TBC1D5: variants seen among roughly 807,000 people sequenced by gnomAD.
TBC1D5 encodes the protein TBC1 domain family, member 5.
In TBC1D5, 75 loss-of-function variants were observed where a neutral mutation model predicts 100.3. The observed-to-expected ratio is 0.75, with a 90% CI of 0.62 to 0.91. TBC1D5 has a LOEUF of 0.91. TBC1D5 is among the 40% of genes least tolerant of loss of function. The pLI is 0.00. For missense variants in TBC1D5, 910 were observed against 942.4 expected (o/e 0.97, Z 0.45); for synonymous variants, 323 against 325.6 (o/e 0.99, Z 0.09).
intron 2 of TBC1D5, among the ~76,000 whole-genome samples, chr3:17,535,734 T>C (rs1223064821): frequency 2.0e-5 from 3 of 152,246 alleles, no homozygotes; most frequent in Non-Finnish European, 2.9e-5. Flanking sequence ...GGAGGGAGAA[T>C]GTTTTTAAAA....
intron 1 of TBC1D5, among the ~76,000 whole-genome samples, chr3:17,645,119 A>T (rs1469430177): frequency 1.3e-5 from 2 of 152,130 alleles, no homozygotes; most frequent in African/African-American, 4.8e-5. Flanking sequence ...ATATAAATAT[A>T]ATATAGAATA....
chr3:17,439,324 T>A (rs1159211002), intron 3 of TBC1D5, among the ~76,000 whole-genome samples: 1 of 152,172 alleles, frequency 6.6e-6, no homozygotes, highest in African/African-American at 2.4e-5. Context: ...GGGTAGCTGA[T>A]CCTATCTGTG....
chr3:17,328,645 T>C (rs1340489557), intron 13 of TBC1D5, among the ~76,000 whole-genome samples: 1 of 152,214 alleles, frequency 6.6e-6, no homozygotes, highest in Non-Finnish European at 1.5e-5. Flanking sequence ...CTATTATTTT[T>C]AATGAAGTGG....
At chr3:17,603,855 G>T (rs1338860295) in intron 2 of TBC1D5, among the ~76,000 whole-genome samples, 1 of 152,110 alleles carries the variant, frequency 6.6e-6, no homozygotes, top group Non-Finnish European at 1.5e-5. Context: ...ATGTTGGCCA[G>T]GCTGGTCTCA....
chr3:17,650,330 G>GA (rs2065423575), intron 1 of TBC1D5, among the ~76,000 whole-genome samples: 6 of 151,898 alleles, frequency 4.0e-5, no homozygotes. Context: ...ATGTCAAAGA[G>GA]AAAAAAGATG....
chr3:17,380,257 G>C (rs2092893449), intron 9 of TBC1D5, among the ~76,000 whole-genome samples: 1 of 151,854 alleles, frequency 6.6e-6, no homozygotes, highest in African/African-American at 2.4e-5. Context: ...AATAAATAAA[G>C]GTGTTCTTGG....
At chr3:17,559,993 A>C (rs2096548233) in intron 2 of TBC1D5, among the ~76,000 whole-genome samples, 1 of 152,176 alleles carries the variant, frequency 6.6e-6, no homozygotes, top group Non-Finnish European at 1.5e-5. Flanking sequence ...ATAACATATG[A>C]TGTGATGAGT....
chr3:17,703,407 T>C (rs935138984), intron 1 of TBC1D5, among the ~76,000 whole-genome samples: 1 of 151,682 alleles, frequency 6.6e-6, no homozygotes, highest in African/African-American at 2.4e-5. Flanking sequence ...GAAACATAAA[T>C]AAGTAGGCAA....
intron 14 of TBC1D5, among the ~76,000 whole-genome samples, chr3:17,297,248 G>A (rs959320189): frequency 1.3e-5 from 2 of 152,152 alleles, no homozygotes; most frequent in African/African-American, 2.4e-5. Flanking sequence ...ACTCCTTATC[G>A]ACTGAGGAAA....
At chr3:17,576,257 G>T (rs2096656502) in intron 2 of TBC1D5, among the ~76,000 whole-genome samples, 1 of 152,054 alleles carries the variant, frequency 6.6e-6, no homozygotes, top group Non-Finnish European at 1.5e-5. Flanking sequence ...GGGTTGAGAG[G>T]TGATGGAGGT....
At chr3:17,630,159 A>G (rs1294578289) in intron 1 of TBC1D5, among the ~76,000 whole-genome samples, 1 of 152,158 alleles carries the variant, frequency 6.6e-6, no homozygotes, top group Non-Finnish European at 1.5e-5. Flanking sequence ...GTCATTTTTC[A>G]TTTCTGTTAA....
intron 18 of TBC1D5, among the ~76,000 whole-genome samples, chr3:17,197,691 A>G (rs1273260853): frequency 1.3e-5 from 2 of 152,148 alleles, no homozygotes; most frequent in East Asian, 3.9e-4. Flanking sequence ...TTTTTAATGC[A>G]TGTCTTTGCA....
intron 13 of TBC1D5, among the ~76,000 whole-genome samples, chr3:17,341,527 C>T (rs2088931532): frequency 6.6e-6 from 1 of 152,118 alleles, no homozygotes; most frequent in Admixed American, 6.6e-5. Context: ...GTATTTCCCT[C>T]ATCTTGTAGA....
Position 17,442,255 on chromosome 3 carries a change from T to G in TBC1D5, c.98-13736A>C, listed in dbSNP as rs74834327. 5.8e-4 allele frequency among the ~76,000 whole-genome samples: 89 copies of G among 152,312 alleles called. 1 individual carries two copies. The East Asian group carries it at 0.014, about 23-fold the overall frequency. On this transcript the variant is annotated intron_variant, in intron 3 of 21. Coordinates refer to ENST00000253692, the Ensembl canonical transcript of TBC1D5. ...TCCCTTCTTTTTTCATTTCTAACCATGTGACAAGACCAGGTCTAGTTGTAG... is the reference window on the plus strand; with the variant it reads ...TCCCTTCTTTTTTCATTTCTAACCAGGTGACAAGACCAGGTCTAGTTGTAG...
intron 1 of TBC1D5, among the ~76,000 whole-genome samples, chr3:17,634,739 A>C (rs1304199382): frequency 6.6e-6 from 1 of 152,138 alleles, no homozygotes; most frequent in Non-Finnish European, 1.5e-5. Flanking sequence ...GAATAGTTGG[A>C]TTGTTAACAC....
chr3:17,712,311 TA>T (rs2074817130), intron 1 of TBC1D5, among the ~76,000 whole-genome samples: 1 of 152,164 alleles, frequency 6.6e-6, no homozygotes, highest in South Asian at 2.1e-4. Context: ...AATTTTACCA[TA>T]GATCTTTACA....
intron 3 of TBC1D5, among the ~76,000 whole-genome samples, chr3:17,460,828 A>T (rs1026041742): frequency 6.6e-6 from 1 of 152,104 alleles, no homozygotes; most frequent in Non-Finnish European, 1.5e-5. Context: ...ACTTCAATAT[A>T]CTAGTGGGTC....
rs372133915 is a variant in TBC1D5, at chr3:17,668,172, G to GAT, written c.-100-44261_-100-44260dup. Reference sequence around the variant, plus strand: ...CTTAAAAATATATATATATATTTAAGATATATATATATATCTTAAATCTCC... The same window carrying GAT: ...CTTAAAAATATATATATATATTTAAGATATATATATATATATCTTAAATCTCC... On this transcript the variant is annotated intron_variant, in intron 1 of 21. Transcript: ENST00000253692. Among the ~76,000 whole-genome samples the GAT allele has an allele frequency of 1.9e-3, 278 of 145,862 alleles. 1 individual carries two copies. Among genetic ancestry groups the GAT allele is most frequent in the Admixed American group, 9.4e-3 (137 of 14,534 alleles).
At chr3:17,525,117 T>C (rs1006421430) in intron 2 of TBC1D5, among the ~76,000 whole-genome samples, 3 of 152,148 alleles carry the variant, frequency 2.0e-5, no homozygotes, top group African/African-American at 7.2e-5. Flanking sequence ...ATGTACACTT[T>C]AAAAAACAGG....
Sources: gnomAD v4.1 joint callset for allele counts (sites outside exome capture counted in the v4.1 genomes callset) on GRCh38, gnomAD v4.1.1 for gene constraint, MANE v1.5 for transcripts, NCBI Gene and HGNC (gene_info 2026-07-23, HGNC 2026-07-21) for gene names.